Variants in ANXA4 observed in about 807,000 individuals in gnomAD.
ANXA4 encodes 35-beta calcimedin.
Under a neutral mutation model 49.8 loss-of-function variants are expected in ANXA4, and 39 were observed. The ratio of observed to expected loss-of-function variants is 0.78; its 90% CI spans 0.61 to 1.02. The LOEUF (loss-of-function observed/expected upper bound fraction) is 1.02. Among genes scored for constraint, ANXA4 ranks in the 50% least tolerant of loss-of-function variants. The pLI, the probability that ANXA4 is intolerant of heterozygous loss-of-function variation, is 0.00. For missense variants in ANXA4, 360 were observed against 410.1 expected (o/e 0.88, Z 1.05); for synonymous variants, 134 against 152.5 (o/e 0.88, Z 0.89).
intron 1 of ANXA4, among the ~76,000 whole-genome samples, chr2:69,765,771 T>C (rs545668380): frequency 3.1e-4 from 47 of 152,218 alleles, no homozygotes; most frequent in African/African-American, 1.1e-3. Context: ...TTCGATACTA[T>C]GCTAATGGTT....
chr2:69,703,886 T>C (rs1678409059), intron 2 of ANXA4, among the ~76,000 whole-genome samples: 1 of 152,168 alleles, frequency 6.6e-6, no homozygotes, highest in Non-Finnish European at 1.5e-5. Flanking sequence ...GCCATCCTCC[T>C]ACCTCAGCCT....
intron 1 of ANXA4, among the ~76,000 whole-genome samples, chr2:69,651,830 CG>C (rs1283036697): frequency 0.01 from 100 of 9,652 alleles, 2 homozygotes; most frequent in African/African-American, 0.037. Context: ...GGGGGGGGGG[CG>C]GGGAGACAGA....
chr2:69,758,335 G>A (rs544412720), intron 1 of ANXA4, among the ~76,000 whole-genome samples: 14 of 152,208 alleles, frequency 9.2e-5, no homozygotes, highest in Non-Finnish European at 1.9e-4. Context: ...GTTAAAAGGA[G>A]ACCAAGCACA....
At chr2:69,790,256 A>C (rs1247331734) in intron 3 of ANXA4, among the ~76,000 whole-genome samples, 1 of 152,118 alleles carries the variant, frequency 6.6e-6, no homozygotes, top group African/African-American at 2.4e-5. Flanking sequence ...CAGGAATGAA[A>C]TCCATAACTG....
intron 3 of ANXA4, among the ~76,000 whole-genome samples, chr2:69,803,000 C>T (rs543025268): frequency 9.2e-5 from 14 of 151,890 alleles, no homozygotes; most frequent in African/African-American, 3.1e-4. Flanking sequence ...AGTTCAAGAC[C>T]AGCCTGGTCA....
intron 1 of ANXA4, among the ~76,000 whole-genome samples, chr2:69,649,774 G>A (rs1347421083): frequency 6.6e-6 from 1 of 150,846 alleles, no homozygotes; most frequent in Non-Finnish European, 1.5e-5. Context: ...ACCACGTCTG[G>A]CTTTTTATTT....
At chr2:69,696,410 A>G (rs1678161474) in intron 2 of ANXA4, among the ~76,000 whole-genome samples, 1 of 152,130 alleles carries the variant, frequency 6.6e-6, no homozygotes, top group Admixed American at 6.6e-5. Context: ...TTCTCTTGCT[A>G]TTTTCACCAC....
intron 2 of ANXA4, among the ~76,000 whole-genome samples, chr2:69,714,548 A>G (rs1678810391): frequency 1.3e-5 from 2 of 152,162 alleles, no homozygotes; most frequent in African/African-American, 4.8e-5. Context: ...CAGTGTATCA[A>G]ACCTCAGTGC....
chr2:69,787,903 A>C, intron 2 of ANXA4, 151 bp from the exon 3 acceptor site: 1 of 623,658 alleles, frequency 1.6e-6, no homozygotes, highest in Non-Finnish European at 2.8e-6. Flanking sequence ...CCGGGGAGCA[A>C]GAGCTTAATT....
chr2:69,711,045 ACTGGC>A lies in ANXA4; in HGVS notation n.767-9727_767-9723del, dbSNP rs1198600672. Among the ~76,000 whole-genome samples the A allele has an allele frequency of 4.5e-4, 69 of 152,174 alleles. No individual in the cohort carries two copies. In the Middle Eastern group the frequency reaches 0.017, roughly 38 times the overall value. ...GAGCACTTAATTAATAATAGCCCAA[ACTGGC>A]CAGGCGTGGTTGCTCACACCTGTAA... On this transcript the variant is annotated intron_variant and non_coding_transcript_variant, in intron 2 of 3. Transcript: ENST00000418066.
chr2:69,806,543 G>A lies in ANXA4; in HGVS notation c.306+45G>A, dbSNP rs747389241. The A allele has an allele frequency of 3.8e-5, 57 of 1,481,728 alleles. 1 individual carries two copies. In the South Asian group the frequency reaches 4.2e-4, roughly 11 times the overall value. The allele number at this position is 1,481,728 out of a possible 1,614,324, so 91.8% of individuals were successfully genotyped here. A position where few individuals can be genotyped will look rare whatever the true frequency, so the allele number is the denominator to read the frequency against. ...TGCTCTTGGTGCTGTTGGTGCAAACGCTGATGTGCTTTCTTAAGAAACTGT... is the reference window on the plus strand; with the variant it reads ...TGCTCTTGGTGCTGTTGGTGCAAACACTGATGTGCTTTCTTAAGAAACTGT... On this transcript the variant is annotated intron_variant, in intron 5 of 12. Coordinates refer to ENST00000394295, the MANE Select transcript of ANXA4 (RefSeq NM_001153.5).
At chr2:69,754,704 C>A (rs1163366646) in intron 1 of ANXA4, among the ~76,000 whole-genome samples, 1 of 152,186 alleles carries the variant, frequency 6.6e-6, no homozygotes, top group African/African-American at 2.4e-5. Flanking sequence ...ACTTTTAGAA[C>A]AAATGATACT....
At chr2:69,739,649 C>G (rs1670334966), upstream of ANXA4, among the ~76,000 whole-genome samples, 1 of 151,924 alleles carries the variant, frequency 6.6e-6, no homozygotes, top group Non-Finnish European at 1.5e-5. Context: ...ATCTCGAACT[C>G]CTGACCTCAA....
intron 2 of ANXA4, among the ~76,000 whole-genome samples, chr2:69,685,917 C>G (rs892353488): frequency 6.6e-6 from 1 of 152,114 alleles, no homozygotes; most frequent in Non-Finnish European, 1.5e-5. Flanking sequence ...TGGCCAGTTT[C>G]AAGGTACTGA....
intron 2 of ANXA4, among the ~76,000 whole-genome samples, chr2:69,784,462 C>G (rs1418574826): frequency 6.6e-6 from 1 of 152,186 alleles, no homozygotes; most frequent in South Asian, 2.1e-4. Context: ...GTGAAACATT[C>G]AACTCAGAAA....
intron 2 of ANXA4, among the ~76,000 whole-genome samples, chr2:69,688,518 G>T (rs565531731): frequency 1.3e-5 from 2 of 152,212 alleles, no homozygotes; most frequent in African/African-American, 4.8e-5. Context: ...TTAATTATTA[G>T]CTGGAATACT....
intron 2 of ANXA4, among the ~76,000 whole-genome samples, chr2:69,670,400 A>G (rs1255149025): frequency 3.4e-5 from 5 of 148,296 alleles, no homozygotes; most frequent in Non-Finnish European, 7.4e-5. Context: ...AGATCGCACC[A>G]CTGCACTCCA....
chr2:69,704,124 T>G (rs190748765), intron 2 of ANXA4, among the ~76,000 whole-genome samples: 33 of 152,320 alleles, frequency 2.2e-4, no homozygotes, highest in Non-Finnish European at 2.9e-5. Flanking sequence ...TTTATTGGGA[T>G]CACATTGAAT....
intron 1 of ANXA4, among the ~76,000 whole-genome samples, chr2:69,774,592 G>A (rs997599493): frequency 2.0e-5 from 3 of 150,710 alleles, no homozygotes; most frequent in Admixed American, 6.6e-5. Flanking sequence ...CACCCACCTC[G>A]GCCTCCCAAA....
Sources: allele counts gnomAD v4.1 joint callset (sites outside exome capture counted in the v4.1 genomes callset), GRCh38; gene constraint gnomAD v4.1.1; transcripts MANE v1.5; gene names NCBI Gene and HGNC (gene_info 2026-07-23, HGNC 2026-07-21).